Variants in SMYD3 observed in about 807,000 individuals in gnomAD.
The protein encoded by SMYD3 is histone-lysine N-methyltransferase SMYD3.
A neutral mutation model predicts 57.7 loss-of-function variants in SMYD3; 36 were observed. The observed-to-expected ratio is 0.62, with a 90% CI of 0.48 to 0.82. The LOEUF is 0.82. Among genes scored for constraint, SMYD3 ranks in the 40% least tolerant of loss-of-function variants. SMYD3 has a pLI of 0.00. For synonymous variants in SMYD3, 211 were observed against 195.0 expected (o/e 1.08, Z -0.68); for missense variants, 515 against 538.8 (o/e 0.96, Z 0.44).
intron 1 of SMYD3, among the ~76,000 whole-genome samples, chr1:246,493,123 G>C (rs1457456098): frequency 1.3e-5 from 2 of 151,770 alleles, no homozygotes; most frequent in African/African-American, 4.8e-5. Context: ...ATAGGCAAAT[G>C]GTATGGTATA....
chr1:245,800,389 GAGTGTAAACTGTCT>G (rs2047799080), intron 10 of SMYD3, among the ~76,000 whole-genome samples: 2 of 151,992 alleles, frequency 1.3e-5, no homozygotes. Flanking sequence ...TCTCATGCTA[GAGTGTAAACTGTCT>G]AGTGATAGGG....
chr1:246,151,960 A>C (rs943784568), intron 5 of SMYD3, among the ~76,000 whole-genome samples: 1 of 152,250 alleles, frequency 6.6e-6, no homozygotes, highest in African/African-American at 2.4e-5. Context: ...GGACAACTCC[A>C]ACCCCTGAGT....
At chr1:246,426,743 T>C (rs898286235) in intron 1 of SMYD3, among the ~76,000 whole-genome samples, 3 of 152,180 alleles carry the variant, frequency 2.0e-5, no homozygotes, top group Admixed American at 2.0e-4. Flanking sequence ...CTTAGTGTCT[T>C]CCTAATAAAG....
chr1:246,153,880 G>A (rs2061980867), intron 5 of SMYD3, among the ~76,000 whole-genome samples: 1 of 151,998 alleles, frequency 6.6e-6, no homozygotes, highest in Non-Finnish European at 1.5e-5. Flanking sequence ...CTTTATACTT[G>A]CTATCATCTC....
Position 246,027,222 on chromosome 1 carries a change from G to A in SMYD3, c.532-97285C>T, listed in dbSNP as rs531764359. Among the ~76,000 whole-genome samples the A allele has an allele frequency of 3.9e-5, 6 of 152,294 alleles. No homozygotes were observed. The East Asian group carries it at 7.7e-4, about 20-fold the overall frequency. On this transcript the variant is annotated intron_variant, in intron 5 of 11. Transcript: ENST00000490107. ...AGGTTTAAGGAAAGAAGCCATCTCC[G>A]TAACTTAAAACTGCAAGGTGACGTT...
Position 246,096,616 on chromosome 1 carries a change from G to A in SMYD3, c.532-166679C>T, listed in dbSNP as rs113470009. Among the ~76,000 whole-genome samples the A allele has an allele frequency of 2.0e-4, 31 of 151,634 alleles. 1 individual carries two copies. The highest frequency in any genetic ancestry group is 6.1e-4 in the African/African-American group (25 of 41,008). On this transcript the variant is annotated intron_variant, in intron 5 of 11. Coordinates refer to ENST00000490107, the MANE Select transcript of SMYD3 (RefSeq NM_001167740.2). ...GCTTTTTAGATGTTCTGATTAATAC[G>A]GGTACTTGGGAGCCTAAACACAAAG...
At chr1:246,310,161 T>A (rs1003882144) in intron 5 of SMYD3, among the ~76,000 whole-genome samples, 1 of 149,320 alleles carries the variant, frequency 6.7e-6, no homozygotes, top group African/African-American at 2.5e-5. Context: ...TTAGAAGTAA[T>A]TAGTAACTTG....
intron 5 of SMYD3, among the ~76,000 whole-genome samples, chr1:246,274,652 C>A (rs1323210550): frequency 1.1e-4 from 16 of 152,150 alleles, no homozygotes; most frequent in Non-Finnish European, 1.5e-5. Flanking sequence ...CTGACTAGCC[C>A]TCAAACCTGA....
chr1:246,503,571 A>G (rs1407395384), intron 1 of SMYD3, among the ~76,000 whole-genome samples: 1 of 152,242 alleles, frequency 6.6e-6, no homozygotes, highest in Non-Finnish European at 1.5e-5. Flanking sequence ...TGCACTCACC[A>G]AAGCAAACGG....
In SMYD3 at chr1:246,198,994, G is replaced by A. The variant is rs778723732; in HGVS notation, c.531+128207C>T. Among the ~76,000 whole-genome samples, 120 of 151,890 alleles carry A rather than the reference G, an allele frequency of 7.9e-4. 1 individual carries two copies. Among genetic ancestry groups the A allele is most frequent in the Non-Finnish European group, 9.7e-4 (66 of 67,970 alleles). ...TAATTTCAACTTCTATTTTAGATTC[G>A]GGGGTACATCCACAGGCTCGATACA... On this transcript the variant is annotated intron_variant, in intron 5 of 11. Coordinates refer to ENST00000490107, the MANE Select transcript of SMYD3 (RefSeq NM_001167740.2).
chr1:246,273,612 G>A (rs543097108), intron 5 of SMYD3, among the ~76,000 whole-genome samples: 1 of 113,760 alleles, frequency 8.8e-6, no homozygotes, highest in Non-Finnish European at 1.7e-5. Context: ...AAGACAGAGT[G>A]TTGGTCTTGT....
chr1:246,102,449 C>G (rs2061031999), intron 5 of SMYD3, among the ~76,000 whole-genome samples: 1 of 152,130 alleles, frequency 6.6e-6, no homozygotes, highest in African/African-American at 2.4e-5. Flanking sequence ...AAGGGTAAAC[C>G]CTTTAATCGC....
chr1:245,843,554 G>A (rs201755574), intron 10 of SMYD3, among the ~76,000 whole-genome samples: 45,518 of 125,632 alleles, frequency 0.36, 7,872 homozygotes, highest in East Asian at 0.62. Context: ...GTGTGTGTGT[G>A]TGTGTGTGTG....
At chr1:246,284,518 G>A (rs905881825) in intron 5 of SMYD3, among the ~76,000 whole-genome samples, 8 of 151,052 alleles carry the variant, frequency 5.3e-5, no homozygotes, top group Admixed American at 2.0e-4. Flanking sequence ...CTGGGTTCAC[G>A]CCATTCTCCT....
At chr1:246,408,486 A>G (rs2066905502) in intron 1 of SMYD3, among the ~76,000 whole-genome samples, 1 of 152,108 alleles carries the variant, frequency 6.6e-6, no homozygotes, top group African/African-American at 2.4e-5. Context: ...GCTGTTTCCT[A>G]TCAATATTTT....
At chr1:246,029,109 A>T (rs1337466277) in intron 5 of SMYD3, among the ~76,000 whole-genome samples, 1 of 152,206 alleles carries the variant, frequency 6.6e-6, no homozygotes, top group Non-Finnish European at 1.5e-5. Context: ...AGGACCCAAA[A>T]CTATAAAACT....
At chr1:246,011,142 G>T (rs2059274852) in intron 5 of SMYD3, among the ~76,000 whole-genome samples, 1 of 152,116 alleles carries the variant, frequency 6.6e-6, no homozygotes, top group Admixed American at 6.5e-5. Context: ...CAAAATGATA[G>T]GCAGAAGGAA....
At chr1:246,122,805 C>T (rs1300258299) in intron 5 of SMYD3, among the ~76,000 whole-genome samples, 1 of 152,196 alleles carries the variant, frequency 6.6e-6, no homozygotes, top group African/African-American at 2.4e-5. Flanking sequence ...TGCCCCTGCT[C>T]TCCGGGACTA....
At chr1:245,797,751 G>A in intron 10 of SMYD3, among the ~76,000 whole-genome samples, 1 of 149,592 alleles carries the variant, frequency 6.7e-6, no homozygotes, top group Non-Finnish European at 1.5e-5. Context: ...GGAGATTTCA[G>A]GTCCACTGCA....
Sources: gnomAD v4.1 joint callset for allele counts (sites outside exome capture counted in the v4.1 genomes callset) on GRCh38, gnomAD v4.1.1 for gene constraint, MANE v1.5 for transcripts, NCBI Gene and HGNC (gene_info 2026-07-23, HGNC 2026-07-21) for gene names.